The following RFX3 variants were observed in gnomAD, a reference collection of about 807,000 sequenced individuals.
The protein encoded by RFX3 is regulatory factor X3, also known as transcription factor RFX3.
In RFX3, 14 loss-of-function variants were observed where a neutral mutation model predicts 98.6. The ratio of observed to expected loss-of-function variants is 0.14; its 90% CI spans 0.09 to 0.22. The LOEUF (loss-of-function observed/expected upper bound fraction) is 0.22, where lower values mean the gene tolerates loss of function less well. RFX3 is among the 10% of genes least tolerant of loss of function. RFX3 has a pLI of 1.00. For missense variants in RFX3, 639 were observed against 926.9 expected (o/e 0.69, Z 4.03); for synonymous variants, 383 against 328.4 (o/e 1.17, Z -1.80).
intron 2 of RFX3, among the ~76,000 whole-genome samples, chr9:3,352,561 G>A (rs1358180096): frequency 6.6e-6 from 1 of 151,952 alleles, no homozygotes; most frequent in African/African-American, 2.4e-5. Flanking sequence ...TACACATTAT[G>A]CACCTTACAC....
intron 4 of RFX3, among the ~76,000 whole-genome samples, chr9:3,306,157 T>C (rs754854355): frequency 3.3e-4 from 50 of 152,212 alleles, no homozygotes; most frequent in African/African-American, 4.3e-4. Flanking sequence ...AGTAGGCTCA[T>C]TGATCCAAAA....
At chr9:3,428,917 T>A (rs1225182142) in intron 1 of RFX3, among the ~76,000 whole-genome samples, 1 of 152,142 alleles carries the variant, frequency 6.6e-6, no homozygotes, top group African/African-American at 2.4e-5. Flanking sequence ...CAGGGCTAAA[T>A]TACCCATTAG....
chr9:3,525,150 T>A (rs1819131803), intron 1 of RFX3, among the ~76,000 whole-genome samples: 2 of 151,202 alleles, frequency 1.3e-5, no homozygotes, highest in Non-Finnish European at 3.0e-5. Flanking sequence ...GGGGCAAAAA[T>A]GAAGGGAATG....
intron 1 of RFX3, among the ~76,000 whole-genome samples, chr9:3,420,277 C>T (rs1181192216): frequency 6.6e-6 from 1 of 152,122 alleles, no homozygotes; most frequent in African/African-American, 2.4e-5. Flanking sequence ...ACTAACAGGA[C>T]ATTCTACGGT....
rs1587566091 is a variant in RFX3 at position 3,411,466 on chromosome 9, A to G, written c.-8-15870T>C. ...CAACCTCCACCTCCCAGGTTCAAGG[A>G]ATTCTCCCAAGTAGCTGGGATTACA... is the stretch of plus-strand genomic sequence containing the variant. On this transcript the variant is annotated intron_variant, in intron 1 of 16. Transcript: ENST00000617270. Among the ~76,000 whole-genome samples, 6 of 152,032 alleles carry G rather than the reference A, an allele frequency of 3.9e-5. No homozygotes were observed. In the South Asian group the frequency reaches 1.2e-3, roughly 32 times the overall value.
chr9:3,260,456 A>G (rs1461852313), intron 13 of RFX3, among the ~76,000 whole-genome samples: 1 of 151,962 alleles, frequency 6.6e-6, no homozygotes, highest in Non-Finnish European at 1.5e-5. Context: ...AAATATATAT[A>G]TATGTATTTA....
At chr9:3,248,278 G>A in intron 14 of RFX3, 93 bp from the exon 15 acceptor site, 2 of 1,433,426 alleles carry the variant, frequency 1.4e-6, no homozygotes, top group South Asian at 2.9e-5. Flanking sequence ...GTCAAGCTGG[G>A]AGTCTATATG....
intron 1 of RFX3, among the ~76,000 whole-genome samples, chr9:3,434,460 G>A (rs1373778981): frequency 1.3e-5 from 2 of 152,172 alleles, no homozygotes. Context: ...CTTGGTCTAT[G>A]TATACACTAC....
At chr9:3,272,671 C>T (rs1323666194) in intron 9 of RFX3, among the ~76,000 whole-genome samples, 1 of 152,152 alleles carries the variant, frequency 6.6e-6, no homozygotes, top group Non-Finnish European at 1.5e-5. Flanking sequence ...AGAGACATCT[C>T]TAAAAGTGTG....
At chr9:3,225,921 G>A (rs1817710778) in intron 16 of RFX3, among the ~76,000 whole-genome samples, 1 of 152,118 alleles carries the variant, frequency 6.6e-6, no homozygotes, top group Non-Finnish European at 1.5e-5. Context: ...CTTGGCAACT[G>A]ATACTGTTAA....
intron 1 of RFX3, among the ~76,000 whole-genome samples, chr9:3,500,753 A>G (rs1815915167): frequency 6.6e-6 from 1 of 152,190 alleles, no homozygotes; most frequent in African/African-American, 2.4e-5. Flanking sequence ...TAAAGTTATT[A>G]AAGTCAGATT....
rs146793675 is a variant in RFX3 at position 3,396,398 on chromosome 9, C to G, written c.-8-802G>C. Among the ~76,000 whole-genome samples the G allele has an allele frequency of 5.3e-5, 8 of 152,250 alleles. No individual in the cohort carries two copies. In the East Asian group the frequency reaches 1.5e-3, roughly 29 times the overall value. ...TCATTTTTTATGGCTGCATAGTATT[C>G]CATGGTGTATATGTGCCACATTTTC... On this transcript the variant is annotated intron_variant, in intron 1 of 16. Coordinates refer to ENST00000617270, the MANE Select transcript of RFX3 (RefSeq NM_001282116.2).
chr9:3,297,558 C>T (rs538065458), intron 5 of RFX3, among the ~76,000 whole-genome samples: 1 of 152,052 alleles, frequency 6.6e-6, no homozygotes, highest in South Asian at 2.1e-4. Flanking sequence ...TAACATTTGT[C>T]ATTTTTTCCC....
At chr9:3,292,152 T>A (rs956687991) in intron 6 of RFX3, among the ~76,000 whole-genome samples, 37 of 144,702 alleles carry the variant, frequency 2.6e-4, no homozygotes, top group African/African-American at 9.2e-4. Flanking sequence ...TAAGGGTATA[T>A]CACCTAATGT....
Position 3,218,992 on chromosome 9 carries a change from T to A in RFX3, c.*6050A>T, listed in dbSNP as rs1223951536. 1.3e-5 allele frequency: 2 copies of A among 152,180 alleles called. No individual in the cohort carries two copies. 9.4% of individuals were successfully genotyped at this position (152,180 alleles called of 1,614,324 possible). On this transcript the variant is annotated 3_prime_UTR_variant, in exon 17 of 17. Transcript: ENST00000617270. Reference sequence around the variant, plus strand: ...AAGCCCTGAGTGATAGTGAAGTTACTGATTGGTAAGCACTACAATTAACCT... The same window carrying A: ...AAGCCCTGAGTGATAGTGAAGTTACAGATTGGTAAGCACTACAATTAACCT...
chr9:3,370,120 C>T (rs982175783), intron 2 of RFX3, among the ~76,000 whole-genome samples: 5 of 150,070 alleles, frequency 3.3e-5, no homozygotes, highest in African/African-American at 1.2e-4. Context: ...GGATTACAGG[C>T]TTGAGCCACC....
In RFX3 at chr9:3,410,233, C is replaced by A. The variant is rs1242152574; in HGVS notation, c.-8-14637G>T. ...TGGCGCTATCAACTAAAATGGTTCA[C>A]AGCACTTTATATTCTATAGGAATTC... On this transcript the variant is annotated intron_variant, in intron 1 of 16. Transcript: ENST00000617270. Among the ~76,000 whole-genome samples the A allele has an allele frequency of 4.4e-5, 6 of 137,012 alleles. No homozygotes were observed. The Admixed American group carries it at 4.6e-4, about 10-fold the overall frequency. 89.9% of individuals were successfully genotyped at this position (137,012 alleles called of 152,430 possible). A position where few individuals can be genotyped will look rare whatever the true frequency, so the allele number is the denominator to read the frequency against.
intron 1 of RFX3, among the ~76,000 whole-genome samples, chr9:3,469,912 T>C (rs945571759): frequency 1.3e-5 from 2 of 151,994 alleles, no homozygotes; most frequent in African/African-American, 4.8e-5. Flanking sequence ...GGAAGCCTTT[T>C]CGAAGTACAC....
intron 13 of RFX3, among the ~76,000 whole-genome samples, chr9:3,259,260 T>A (rs1457352270): frequency 6.6e-6 from 1 of 152,054 alleles, no homozygotes; most frequent in Non-Finnish European, 1.5e-5. Flanking sequence ...TCAAACTCAC[T>A]ATTTACTTGG....
Sources: allele counts gnomAD v4.1 joint callset (sites outside exome capture counted in the v4.1 genomes callset), GRCh38; gene constraint gnomAD v4.1.1; transcripts MANE v1.5; gene names NCBI Gene and HGNC (gene_info 2026-07-23, HGNC 2026-07-21).